CSMD1: variants seen among roughly 807,000 people sequenced by gnomAD.
CSMD1 encodes the protein CUB and sushi domain-containing protein 1.
A neutral mutation model predicts 417.5 loss-of-function variants in CSMD1; 213 were observed. The ratio of observed to expected loss-of-function variants is 0.51; its 90% CI spans 0.46 to 0.57. The LOEUF (loss-of-function observed/expected upper bound fraction) is 0.57. Among genes scored for constraint, CSMD1 ranks in the 20% least tolerant of loss-of-function variants. CSMD1 has a pLI of 0.00. For synonymous variants in CSMD1, 2,862 were observed against 1,736.8 expected (o/e 1.65, Z -16.11); for missense variants, 6,923 against 4,529.7 (o/e 1.53, Z -15.17).
chr8:4,606,743 G>C (rs1467671948), intron 2 of CSMD1, among the ~76,000 whole-genome samples: 2 of 152,074 alleles, frequency 1.3e-5, no homozygotes, highest in African/African-American at 4.8e-5. Context: ...TTCTAATAAA[G>C]ACCTTTTATG....
intron 50 of CSMD1, among the ~76,000 whole-genome samples, chr8:3,033,978 G>C (rs1810507306): frequency 2.0e-5 from 3 of 152,114 alleles, no homozygotes; most frequent in South Asian, 4.1e-4. Context: ...CCCCAGACTA[G>C]TCAGACCACC....
chr8:4,681,544 A>G (rs772083759), intron 1 of CSMD1, among the ~76,000 whole-genome samples: 7 of 152,154 alleles, frequency 4.6e-5, no homozygotes, highest in Non-Finnish European at 5.9e-5. Context: ...GTTTACGCCA[A>G]TGTTAGTTGT....
At chr8:3,860,474 G>A (rs937712271) in intron 5 of CSMD1, among the ~76,000 whole-genome samples, 1 of 151,998 alleles carries the variant, frequency 6.6e-6, no homozygotes, top group South Asian at 2.1e-4. Flanking sequence ...TGCTAATATA[G>A]TTTTTAAAAT....
chr8:3,288,807 C>T lies in CSMD1; in HGVS notation c.3951-4461G>A, dbSNP rs1000857963. On this transcript the variant is annotated intron_variant, in intron 25 of 69. Transcript: ENST00000635120. ...TTCTCTTTTTTATATAGACTAATTCCTATAATTGTATTTCTTTTATTTTAT... is the reference window on the plus strand; with the variant it reads ...TTCTCTTTTTTATATAGACTAATTCTTATAATTGTATTTCTTTTATTTTAT... Among the ~76,000 whole-genome samples the T allele has an allele frequency of 4.8e-5, 7 of 146,766 alleles. 1 individual carries two copies. The highest frequency in any genetic ancestry group is 2.0e-4 in the East Asian group (1 of 5,088).
At chr8:3,781,886 A>C (rs552783423) in intron 5 of CSMD1, among the ~76,000 whole-genome samples, 3 of 152,238 alleles carry the variant, frequency 2.0e-5, no homozygotes, top group Non-Finnish European at 4.4e-5. Context: ...TTTTTCACTT[A>C]AATTCATTTT....
At chr8:3,881,046 C>G (rs11986531) in intron 5 of CSMD1, among the ~76,000 whole-genome samples, 37,880 of 151,896 alleles carry the variant, frequency 0.25, 5,937 homozygotes, top group African/African-American at 0.44. Flanking sequence ...CCTCAACTAT[C>G]TATGAGTGAA....
chr8:3,251,344 T>A (rs1375513620), intron 26 of CSMD1, among the ~76,000 whole-genome samples: 3 of 152,214 alleles, frequency 2.0e-5, no homozygotes, highest in Non-Finnish European at 4.4e-5. Flanking sequence ...TGCTTGTTTT[T>A]GTCAGGTTTG....
chr8:4,329,094 G>C (rs969345074), intron 3 of CSMD1, among the ~76,000 whole-genome samples: 1 of 152,134 alleles, frequency 6.6e-6, no homozygotes, highest in Admixed American at 6.6e-5. Flanking sequence ...ATAAATCCAA[G>C]CCTTGTATTG....
At chr8:3,302,773 G>A (rs991027663) in intron 25 of CSMD1, among the ~76,000 whole-genome samples, 6 of 152,194 alleles carry the variant, frequency 3.9e-5, no homozygotes, top group African/African-American at 1.2e-4. Flanking sequence ...TGTCCTTCAT[G>A]CACTTTCTCA....
At chr8:4,801,271 C>T (rs1265261930) in intron 1 of CSMD1, among the ~76,000 whole-genome samples, 2 of 152,216 alleles carry the variant, frequency 1.3e-5, no homozygotes, top group Non-Finnish European at 2.9e-5. Context: ...TTTCAGGTCA[C>T]CTTTAATTGC....
At chr8:4,552,344 T>C (rs1270311422) in intron 2 of CSMD1, among the ~76,000 whole-genome samples, 4 of 152,124 alleles carry the variant, frequency 2.6e-5, no homozygotes, top group South Asian at 2.1e-4. Flanking sequence ...CTTTTTTTTT[T>C]CTTTTGGCTT....
chr8:4,103,780 C>T (rs375022498), intron 3 of CSMD1, among the ~76,000 whole-genome samples: 6 of 152,144 alleles, frequency 3.9e-5, no homozygotes, highest in East Asian at 1.9e-4. Flanking sequence ...AAGTTACCTG[C>T]TTCAAAACAG....
intron 3 of CSMD1, among the ~76,000 whole-genome samples, chr8:4,246,630 G>T (rs571061449): frequency 2.0e-5 from 3 of 152,108 alleles, no homozygotes; most frequent in African/African-American, 7.2e-5. Flanking sequence ...CAGCAGAAAT[G>T]AATTTCTGCA....
chr8:3,328,418 A>G (rs1295259437), intron 23 of CSMD1, among the ~76,000 whole-genome samples: 1 of 152,146 alleles, frequency 6.6e-6, no homozygotes, highest in Non-Finnish European at 1.5e-5. Context: ...GTGACCTCAT[A>G]TTGGGCACCC....
chr8:3,289,752 A>G lies in CSMD1; in HGVS notation c.3951-5406T>C, dbSNP rs907892770. The stretch of plus-strand genomic sequence containing the variant: ...CCCTTTGTCAGATGAGGAGGTTGCA[A>G]TAATTTTCTCCCATTCTGTAGGTTG... On this transcript the variant is annotated intron_variant, in intron 25 of 69. Transcript: ENST00000635120. 6.8e-5 allele frequency among the ~76,000 whole-genome samples: 10 copies of G among 147,304 alleles called. 1 individual carries two copies. Among genetic ancestry groups the G allele is most frequent in the East Asian group, 2.0e-4 (1 of 5,072 alleles).
chr8:3,536,611 G>A (rs17066348), intron 10 of CSMD1, among the ~76,000 whole-genome samples: 5,788 of 152,292 alleles, frequency 0.038, 318 homozygotes, highest in African/African-American at 0.12. Context: ...AGTGTGAACA[G>A]AAACGGTAAT....
intron 7 of CSMD1, among the ~76,000 whole-genome samples, chr8:3,685,956 A>G (rs1001654041): frequency 1.2e-4 from 18 of 152,216 alleles, no homozygotes; most frequent in African/African-American, 4.3e-4. Flanking sequence ...ATTTTTTACT[A>G]TATTCACCCT....
chr8:3,537,762 A>G (rs997084105), intron 10 of CSMD1, among the ~76,000 whole-genome samples: 7 of 152,210 alleles, frequency 4.6e-5, no homozygotes, highest in African/African-American at 1.7e-4. Flanking sequence ...TTAGGACAGT[A>G]AAACAAGAAC....
intron 1 of CSMD1, among the ~76,000 whole-genome samples, chr8:4,674,379 A>G (rs928938083): frequency 2.2e-4 from 33 of 152,132 alleles, no homozygotes; most frequent in Admixed American, 4.6e-4. Context: ...GGATAGGTTG[A>G]AAAAAAGTTC....
Sources: gnomAD v4.1 joint callset for allele counts (sites outside exome capture counted in the v4.1 genomes callset) on GRCh38, gnomAD v4.1.1 for gene constraint, MANE v1.5 for transcripts, NCBI Gene and HGNC (gene_info 2026-07-23, HGNC 2026-07-21) for gene names.